The following PDE1C variants were observed in gnomAD, a reference collection of about 807,000 sequenced individuals.
PDE1C encodes the protein phosphodiesterase 1C.
Under a neutral mutation model 93.1 loss-of-function variants are expected in PDE1C, and 62 were observed. The ratio of observed to expected loss-of-function variants is 0.67; its 90% CI spans 0.54 to 0.82. The LOEUF is 0.82. Among genes scored for constraint, PDE1C ranks in the 40% least tolerant of loss-of-function variants. The pLI is 0.00. For synonymous variants in PDE1C, 325 were observed against 310.1 expected (o/e 1.05, Z -0.50); for missense variants, 742 against 884.6 (o/e 0.84, Z 2.04).
the PDE1C span, among the ~76,000 whole-genome samples, chr7:31,620,631 A>C: frequency 1.1e-4 from 16 of 150,584 alleles, no homozygotes; most frequent in Non-Finnish European, 2.4e-4. Context: ...ATCAAAGACC[A>C]AAAGTAGATA....
At chr7:31,937,193 C>T (rs909746659) in intron 2 of PDE1C, among the ~76,000 whole-genome samples, 20 of 152,100 alleles carry the variant, frequency 1.3e-4, no homozygotes, top group African/African-American at 4.8e-4. Flanking sequence ...CCTTAAAAGA[C>T]ATCAGACTCT....
At chr7:31,962,602 C>A (rs76689753) in intron 2 of PDE1C, among the ~76,000 whole-genome samples, 3 of 152,084 alleles carry the variant, frequency 2.0e-5, no homozygotes, top group Non-Finnish European at 4.4e-5. Context: ...GCCTGAAAAT[C>A]TAGAGAAGGC....
chr7:32,343,592 T>A (rs967454823), intron 1 of PDE1C, among the ~76,000 whole-genome samples: 3 of 152,246 alleles, frequency 2.0e-5, no homozygotes, highest in Non-Finnish European at 2.9e-5. Context: ...CAAGTTGACA[T>A]AAAAATATCA....
chr7:31,643,874 C>T, the PDE1C span: 1 of 1,613,886 alleles, frequency 6.2e-7, no homozygotes, highest in South Asian at 1.1e-5. Flanking sequence ...TGCCTGTGTT[C>T]ACTAACTGGT....
At chr7:32,020,215 T>C (rs1376632164) in intron 2 of PDE1C, among the ~76,000 whole-genome samples, 1 of 152,064 alleles carries the variant, frequency 6.6e-6, no homozygotes, top group Non-Finnish European at 1.5e-5. Flanking sequence ...CCTAACCCTT[T>C]TGTGCACCTT....
chr7:32,019,746 AAAC>A (rs1788397640), intron 2 of PDE1C, among the ~76,000 whole-genome samples: 4 of 152,070 alleles, frequency 2.6e-5, no homozygotes, highest in Non-Finnish European at 4.4e-5. Context: ...TAGGATAGGG[AAAC>A]AAGGGGAGGG....
intron 6 of PDE1C, among the ~76,000 whole-genome samples, chr7:31,869,941 G>C (rs1487543245): frequency 6.6e-6 from 1 of 151,890 alleles, no homozygotes; most frequent in African/African-American, 2.4e-5. Flanking sequence ...AATAAAACTA[G>C]AAATCAATAA....
At chr7:32,270,527 T>C (rs1186116670) in intron 1 of PDE1C, among the ~76,000 whole-genome samples, 1 of 152,080 alleles carries the variant, frequency 6.6e-6, no homozygotes, top group Non-Finnish European at 1.5e-5. Flanking sequence ...GAAAAGGAGG[T>C]TGGTTTCCAG....
intron 1 of PDE1C, among the ~76,000 whole-genome samples, chr7:32,252,784 A>G (rs150058431): frequency 7.2e-4 from 109 of 152,368 alleles, no homozygotes; most frequent in Middle Eastern, 3.4e-3. Flanking sequence ...AAAATGAGTT[A>G]CTAGAAAATT....
the PDE1C span, among the ~76,000 whole-genome samples, chr7:31,631,617 G>A: frequency 6.6e-6 from 1 of 152,128 alleles, no homozygotes; most frequent in Admixed American, 6.6e-5. Flanking sequence ...AATGATGAAG[G>A]AAGGTTATTT....
At chr7:31,658,203 C>T in the PDE1C span, 1 of 1,374,400 alleles carries the variant, frequency 7.3e-7, no homozygotes, top group Admixed American at 2.7e-5. Context: ...TTTTTTAGCC[C>T]ACAGAAGAAC....
intron 3 of PDE1C, among the ~76,000 whole-genome samples, chr7:32,141,000 G>C (rs1441417933): frequency 6.6e-6 from 1 of 152,238 alleles, no homozygotes; most frequent in Non-Finnish European, 1.5e-5. Context: ...TGGTTGCCAG[G>C]GAAATAGCTT....
At chr7:32,186,501 T>C (rs1584926464) in intron 2 of PDE1C, among the ~76,000 whole-genome samples, 1 of 152,324 alleles carries the variant, frequency 6.6e-6, no homozygotes, top group African/African-American at 2.4e-5. Context: ...TGGCAATGTT[T>C]ATTTCCCAGA....
chr7:31,621,186 G>A, the PDE1C span, among the ~76,000 whole-genome samples: 2 of 152,152 alleles, frequency 1.3e-5, no homozygotes, highest in Non-Finnish European at 1.5e-5. Context: ...ACAATCTGCA[G>A]GATATTATCC....
At chr7:31,714,434 T>A in the PDE1C span, among the ~76,000 whole-genome samples, 8 of 152,322 alleles carry the variant, frequency 5.3e-5, 1 homozygote, top group East Asian at 1.5e-3. Flanking sequence ...CATTTTCCTG[T>A]CTTCTTCTGA....
chr7:32,106,304 A>C (rs886937527), intron 3 of PDE1C, among the ~76,000 whole-genome samples: 4 of 152,154 alleles, frequency 2.6e-5, no homozygotes, highest in African/African-American at 9.7e-5. Flanking sequence ...TCAGCCTCCT[A>C]AAGTACTGGG....
chr7:31,844,623 T>C (rs1026570405), intron 9 of PDE1C, among the ~76,000 whole-genome samples: 17 of 152,040 alleles, frequency 1.1e-4, no homozygotes, highest in Non-Finnish European at 2.9e-5. Flanking sequence ...GTTCTTTTCA[T>C]CGAATTTAAC....
At chr7:32,133,539 G>C (rs993954788) in intron 3 of PDE1C, among the ~76,000 whole-genome samples, 2 of 152,180 alleles carry the variant, frequency 1.3e-5, no homozygotes, top group African/African-American at 4.8e-5. Context: ...CCCTGAACCA[G>C]TGTATAAATT....
At chr7:31,728,249 A>G in the PDE1C span, among the ~76,000 whole-genome samples, 3 of 152,112 alleles carry the variant, frequency 2.0e-5, no homozygotes, top group Admixed American at 6.5e-5. Flanking sequence ...TCCTGTAGGT[A>G]CTAATCCTAG....
Sources: allele counts gnomAD v4.1 joint callset (sites outside exome capture counted in the v4.1 genomes callset), GRCh38; gene constraint gnomAD v4.1.1; transcripts MANE v1.5; gene names NCBI Gene and HGNC (gene_info 2026-07-23, HGNC 2026-07-21).